The following ATG4A variants were observed in gnomAD, a reference collection of about 807,000 sequenced individuals.
ATG4A encodes the protein cysteine protease ATG4A.
A neutral mutation model predicts 38.4 loss-of-function variants in ATG4A; 22 were observed. That is an observed-to-expected ratio of 0.57 (90% CI 0.41 to 0.82). ATG4A has a LOEUF of 0.82. Among genes scored for constraint, ATG4A ranks in the 40% least tolerant of loss-of-function variants. ATG4A has a pLI of 0.00. For synonymous variants in ATG4A, 86 were observed against 100.7 expected, an observed-to-expected ratio of 0.85 and a Z score of 0.88; for missense variants, 220 against 290.0, an observed-to-expected ratio of 0.76 and a Z score of 1.75.
At chrX:108,091,080 T>A (rs893262279), upstream of ATG4A, among the ~76,000 whole-genome samples, 3 of 113,560 alleles carry the variant, frequency 2.6e-5, no homozygotes, top group Admixed American at 2.8e-4. Context: ...CGTTACTGAA[T>A]ACAGTTACTA....
Position 108,128,814 on chromosome X carries a change from G to A in ATG4A, c.155G>A (p.Arg52His), listed in dbSNP as rs941771043. ...AAGCTGTTGTCTGATATAAGTGCTC[G>A]TCTATGGTTTACATACAGAAGGAAA... ...KSKLLSDISA[R>H]LWFTYRRKFS... is the part of the protein sequence containing the mutation. Residue 52 changes from arginine (R) to histidine (H), a missense_variant, in exon 3 of 13, where the codon CGT becomes CAT. Coordinates refer to ENST00000372232, the MANE Select transcript of ATG4A (RefSeq NM_052936.5). The A allele has an allele frequency of 5.1e-6, 6 of 1,187,548 alleles. No individual in the cohort carries two copies. In the African/African-American group the frequency reaches 7.1e-5, roughly 14 times the overall value.
chrX:108,102,341 G>C, intron 1 of ATG4A, among the ~76,000 whole-genome samples: 1 of 111,483 alleles, frequency 9.0e-6, no homozygotes, highest in Non-Finnish European at 1.9e-5. Flanking sequence ...ATACCTGTTG[G>C]TCATTTGTAT....
intron 10 of ATG4A, among the ~76,000 whole-genome samples, chrX:108,150,705 A>C (rs1196773882): frequency 8.9e-6 from 1 of 112,321 alleles, no homozygotes; most frequent in Non-Finnish European, 1.9e-5. Flanking sequence ...AAACCATCAG[A>C]TCTCATAAGA....
chrX:108,113,491 G>A (rs922540592), intron 1 of ATG4A, among the ~76,000 whole-genome samples: 9 of 111,470 alleles, frequency 8.1e-5, no homozygotes, highest in African/African-American at 2.9e-4. Context: ...GGTAGAAAGG[G>A]GAGAGCAGTT....
intron 6 of ATG4A, among the ~76,000 whole-genome samples, chrX:108,135,490 T>G (rs1293180624): frequency 8.9e-6 from 1 of 111,864 alleles, no homozygotes; most frequent in Non-Finnish European, 1.9e-5. Context: ...CTGGATTTTT[T>G]GGGGACCCAA....
rs1054778008 is a variant in ATG4A at position 108,113,903 on chromosome X, C to T, written c.11-12174C>T. Among the ~76,000 whole-genome samples, 5 of 112,014 alleles carry T rather than the reference C, an allele frequency of 4.5e-5. No homozygotes were observed. In the Admixed American group the frequency reaches 4.7e-4, roughly 10 times the overall value. On this transcript the variant is annotated intron_variant, in intron 1 of 12. Coordinates refer to ENST00000372232, the MANE Select transcript of ATG4A (RefSeq NM_052936.5). ...AGTTGAGATTTAGGTGGGGACACAG[C>T]CAAACCATATCAGTGTACCACATGG... is the stretch of plus-strand genomic sequence containing the variant.
intron 1 of ATG4A, among the ~76,000 whole-genome samples, chrX:108,107,488 A>G (rs1257383227): frequency 1.8e-5 from 2 of 112,372 alleles, no homozygotes; most frequent in Non-Finnish European, 3.8e-5. Flanking sequence ...TCCTTGTGGG[A>G]TTAATTCCAA....
chrX:108,135,327 A>T (rs765934082), intron 6 of ATG4A, among the ~76,000 whole-genome samples: 1 of 112,374 alleles, frequency 8.9e-6, no homozygotes, highest in Non-Finnish European at 1.9e-5. Flanking sequence ...AGAAGATTGA[A>T]ACCTTCTGGC....
intron 1 of ATG4A, among the ~76,000 whole-genome samples, chrX:108,116,019 G>A (rs1168503677): frequency 8.9e-6 from 1 of 111,787 alleles, no homozygotes; most frequent in Non-Finnish European, 1.9e-5. Flanking sequence ...TGCTACATAC[G>A]GTGCACATCA....
intron 9 of ATG4A, among the ~76,000 whole-genome samples, chrX:108,146,231 C>G (rs1173238046): frequency 1.8e-5 from 2 of 111,992 alleles, no homozygotes. Context: ...CTGTGATTCT[C>G]TGTTTCTGTA....
At chrX:108,144,416 C>G (rs148288618) in intron 9 of ATG4A, among the ~76,000 whole-genome samples, 1,208 of 112,350 alleles carry the variant, frequency 0.011, 25 homozygotes, top group African/African-American at 0.037. Context: ...AGGAATGGTG[C>G]TATATTGAGG....
intron 12 of ATG4A, 107 bp from the exon 13 acceptor site, chrX:108,153,535 G>C (rs1327470349): frequency 1.7e-6 from 1 of 572,364 alleles, no homozygotes; most frequent in African/African-American, 2.3e-5. Context: ...TCTTTCTTTA[G>C]TACAGCAATT....
intron 5 of ATG4A, 75 bp from the exon 6 acceptor site, chrX:108,134,264 T>C (rs773045562): frequency 1.2e-5 from 14 of 1,149,561 alleles, no homozygotes; most frequent in Admixed American, 2.4e-5. Flanking sequence ...TAATTATTTA[T>C]GCAAAAAATT....
chrX:108,152,449 G>A (rs1165749985), intron 11 of ATG4A, among the ~76,000 whole-genome samples: 1 of 111,070 alleles, frequency 9.0e-6, no homozygotes, highest in Non-Finnish European at 1.9e-5. Flanking sequence ...GGCCAGGCTG[G>A]TCTTGAACTG....
At chrX:108,145,330 G>A (rs1377012603) in intron 9 of ATG4A, among the ~76,000 whole-genome samples, 2 of 112,600 alleles carry the variant, frequency 1.8e-5, no homozygotes, top group Admixed American at 9.4e-5. Flanking sequence ...CCTGAGGTAG[G>A]ACAGTAAAGA....
At chrX:108,151,931 A>G (rs1207126743) in intron 11 of ATG4A, 73 bp downstream of exon 11, 6 of 981,370 alleles carry the variant, frequency 6.1e-6, no homozygotes, top group African/African-American at 5.7e-5. Flanking sequence ...ATTGTTTTTC[A>G]TAGTAAAAAA....
intron 1 of ATG4A, among the ~76,000 whole-genome samples, chrX:108,095,148 C>G (rs2031766559): frequency 8.9e-6 from 1 of 112,214 alleles, no homozygotes; most frequent in Non-Finnish European, 1.9e-5. Context: ...CCATATTGGC[C>G]AGGCTGGTCT....
At chrX:108,144,693 G>A (rs185457019) in intron 9 of ATG4A, among the ~76,000 whole-genome samples, 5 of 112,157 alleles carry the variant, frequency 4.5e-5, no homozygotes, top group African/African-American at 1.6e-4. Context: ...GTACTCACAT[G>A]GCATACAAAT....
At chrX:108,135,546 C>G (rs1476115909) in intron 6 of ATG4A, among the ~76,000 whole-genome samples, 1 of 111,751 alleles carries the variant, frequency 8.9e-6, no homozygotes, top group African/African-American at 3.3e-5. Flanking sequence ...TGTAACCTCT[C>G]TGAGGCTGCT....
Sources: gnomAD v4.1 joint callset for allele counts (sites outside exome capture counted in the v4.1 genomes callset) on GRCh38, gnomAD v4.1.1 for gene constraint, MANE v1.5 for transcripts, NCBI Gene and HGNC (gene_info 2026-07-23, HGNC 2026-07-21) for gene names.